The following TRMT1 variants were observed in gnomAD, a reference collection of about 807,000 sequenced individuals.
TRMT1 encodes the protein tRNA methyltransferase 1, also known as tRNA (guanine(26)-N(2))-dimethyltransferase.
A neutral mutation model predicts 75.4 loss-of-function variants in TRMT1; 63 were observed. The ratio of observed to expected loss-of-function variants is 0.84; its 90% confidence interval spans 0.68 to 1.03. TRMT1 has a LOEUF of 1.03. TRMT1 is among the 50% of genes least tolerant of loss of function. The pLI is 0.00. For missense variants in TRMT1, 870 were observed against 905.3 expected, an observed-to-expected ratio of 0.96 and a Z score of 0.50; for synonymous variants, 382 against 358.1, an observed-to-expected ratio of 1.07 and a Z score of -0.75.
rs371266625 is a variant in TRMT1 at position 13,116,169 on chromosome 19, C to A, written c.231G>T (p.Val77=). 1.2e-6 allele frequency: 2 copies of A among 1,614,032 alleles called. No homozygotes were observed. Among genetic ancestry groups the A allele is most frequent in the Non-Finnish European group, 1.7e-6 (2 of 1,180,040 alleles). ...ACGTCAGGTCCCGATTGAATTCCTG[C>A]ACCGGGTTATAAAAGACCTCGTTGG... ...PSANEVFYNP[V]QEFNRDLTCA... is the part of the protein sequence containing the mutation. The change falls in exon 2 of 17, where the codon GTG becomes GTT. Residue 77 remains valine (V), a synonymous_variant. Transcript: ENST00000357720.
rs776654654 is a variant in TRMT1, at chr19:13,105,541, C to T, written c.1649G>A (p.Arg550His). The T allele has an allele frequency of 6.2e-6, 10 of 1,614,018 alleles. No homozygotes were observed. The highest frequency in any genetic ancestry group is 1.1e-5 in the South Asian group (1 of 91,072). Residue 550 changes from arginine (R) to histidine (H), a missense_variant, in exon 15 of 17, where the codon CGC becomes CAC. Transcript: ENST00000357720. ...GTTGGCCTCCGGGTTAGCCTGGAAG[C>T]GCTTGAGTCCTCGCTGTCGGGAGCT... is the stretch of plus-strand genomic sequence containing the variant. Reference protein sequence around the residue: ...NPSSRQRGLKRFQANPEANWG... With the variant: ...NPSSRQRGLKHFQANPEANWG...
At chr19:13,114,648 C>T (rs866023616) in intron 5 of TRMT1, among the ~76,000 whole-genome samples, 67 of 149,608 alleles carry the variant, frequency 4.5e-4, no homozygotes, top group African/African-American at 1.6e-3. Flanking sequence ...GGCAACAGAG[C>T]GAGACTCCGT....
At position 13,109,897 on chromosome 19, in the gene TRMT1, TCC is replaced by T. The variant is rs1175713876; in HGVS notation, c.1106+16_1106+17del. The T allele has an allele frequency of 6.2e-7, 1 of 1,614,016 alleles. No individual in the cohort carries two copies. ...GAAAACCCTGGGACTCCCCTTCTTC[TCC>T]TTCCTCCCTGCTCACCGGCCGCTGG... On this transcript the variant is annotated intron_variant, in intron 9 of 16. Coordinates refer to ENST00000357720, the MANE Select transcript of TRMT1 (RefSeq NM_001136035.4).
At chr19:13,109,293 C>G in intron 12 of TRMT1, 88 bp downstream of exon 12, 1 of 1,480,916 alleles carries the variant, frequency 6.8e-7, no homozygotes, top group South Asian at 1.2e-5. Context: ...CCCACCCCCT[C>G]GCAAGTTCTA....
chr19:13,109,505 C>G, intron 11 of TRMT1, 39 bp from the exon 12 acceptor site: 1 of 1,613,974 alleles, frequency 6.2e-7, no homozygotes, highest in South Asian at 1.1e-5. Context: ...TGGAGATGGA[C>G]GGGCACAGGT....
In TRMT1 at chr19:13,116,372, G is replaced by A. The variant is rs769070519; in HGVS notation, c.28C>T (p.Leu10Phe). MQGSSLWLS[L>F]TFRSARVLSR... ...AGCACCCGGGCGGAGCGGAAAGTGA[G>A]GCTTAGCCACAGAGACGATCCTTGC... Residue 10 changes from leucine (L) to phenylalanine (F), a missense_variant, in exon 2 of 17, where the codon CTC becomes TTC. Leu to Phe is a conservative substitution (Grantham distance 22). Coordinates refer to ENST00000357720, the MANE Select transcript of TRMT1 (RefSeq NM_001136035.4). 2.0e-5 allele frequency: 32 copies of A among 1,609,872 alleles called. No individual in the cohort carries two copies. In the South Asian group the frequency reaches 2.3e-4, roughly 12 times the overall value.
intron 5 of TRMT1, among the ~76,000 whole-genome samples, chr19:13,114,373 T>C (rs2019252311): frequency 6.6e-6 from 1 of 152,084 alleles, no homozygotes; most frequent in Admixed American, 6.6e-5. Context: ...AATATAAAAA[T>C]TAGCCTGGCA....
intron 14 of TRMT1, among the ~76,000 whole-genome samples, chr19:13,106,090 T>C (rs1241008239): frequency 6.6e-6 from 1 of 151,470 alleles, no homozygotes; most frequent in East Asian, 2.0e-4. Flanking sequence ...ATACAGGGTC[T>C]CACTCTGCTG....
chr19:13,112,137 C>T (rs1297484128), intron 7 of TRMT1, among the ~76,000 whole-genome samples: 2 of 152,050 alleles, frequency 1.3e-5, no homozygotes, highest in African/African-American at 2.4e-5. Flanking sequence ...TTACAGGTAT[C>T]TGCCACCATG....
In TRMT1 at chr19:13,105,251, G is replaced by A. The variant is rs764162192; in HGVS notation, c.1833+16C>T. On this transcript the variant is annotated intron_variant, in intron 16 of 16. Transcript: ENST00000357720. ...TCATGTGTCCTGCAGTGGAGGAAAG[G>A]GAGGAGGGACCTCACCTCCTTAAAC... is the stretch of plus-strand genomic sequence containing the variant. The A allele has an allele frequency of 6.2e-7, 1 of 1,608,886 alleles. No individual in the cohort carries two copies. Among genetic ancestry groups the A allele is most frequent in the Non-Finnish European group, 8.5e-7 (1 of 1,176,968 alleles).
chr19:13,114,803 T>C (rs2019274086), intron 5 of TRMT1, among the ~76,000 whole-genome samples: 1 of 152,210 alleles, frequency 6.6e-6, no homozygotes, highest in Non-Finnish European at 1.5e-5. Context: ...ATCGTGCCAC[T>C]GCACTCCAGC....
chr19:13,106,394 G>A (rs188119497), intron 14 of TRMT1, among the ~76,000 whole-genome samples: 10 of 152,180 alleles, frequency 6.6e-5, no homozygotes, highest in African/African-American at 2.2e-4. Context: ...TTTATTTAAC[G>A]ACTGTGTGCC....
chr19:13,111,054 T>A (rs2019119169), intron 7 of TRMT1, among the ~76,000 whole-genome samples: 1 of 152,192 alleles, frequency 6.6e-6, no homozygotes, highest in Admixed American at 6.5e-5. Context: ...GACAGGACCC[T>A]TTAGGAACAA....
chr19:13,105,250 G>A lies in TRMT1; in HGVS notation c.1833+17C>T. 4 of 1,608,596 alleles carry A rather than the reference G, an allele frequency of 2.5e-6. No homozygotes were observed. Among genetic ancestry groups the A allele is most frequent in the Non-Finnish European group, 3.4e-6 (4 of 1,176,780 alleles). On this transcript the variant is annotated intron_variant, in intron 16 of 16. Coordinates refer to ENST00000357720, the MANE Select transcript of TRMT1 (RefSeq NM_001136035.4). ...CTCATGTGTCCTGCAGTGGAGGAAA[G>A]GGAGGAGGGACCTCACCTCCTTAAA...
Position 13,115,722 on chromosome 19 carries a change from C to G in TRMT1, c.357G>C (p.Leu119Phe). 6.2e-7 allele frequency: 1 copy of G among 1,614,126 alleles called. No individual in the cohort carries two copies. The highest frequency in any genetic ancestry group is 8.5e-7 in the Non-Finnish European group (1 of 1,180,026). ...EKDTQKVVVD[L>F]SEQEEEKVEL... ...CAACCTTTTCCTCCTCTTGCTCTGA[C>G]AAGTCCACGACCACTTTTTGCGTGT... The change falls in exon 4 of 17, where the codon TTG becomes TTC. Residue 119 changes from leucine (L) to phenylalanine (F), a missense_variant. Physicochemically the swap from Leu to Phe is conservative, Grantham distance 22. Transcript: ENST00000357720.
At chr19:13,109,314 T>G (rs1005877104) in intron 12 of TRMT1, 67 bp downstream of exon 12, 2 of 1,573,052 alleles carry the variant, frequency 1.3e-6, no homozygotes, top group African/African-American at 2.7e-5. Context: ...TGCATGAGAA[T>G]CCCTGGACTT....
Position 13,109,766 on chromosome 19 carries a change from T to C in TRMT1, c.1176+3A>G. ...TCCTTTGCCTCCCCTGGCCTAGCCCTACCTGGTGTCGTTGCCCACAGTGTT... is the reference window on the plus strand; with the variant it reads ...TCCTTTGCCTCCCCTGGCCTAGCCCCACCTGGTGTCGTTGCCCACAGTGTT... On this transcript the variant is annotated splice_donor_region_variant and intron_variant, in intron 10 of 16. Transcript: ENST00000357720. The C allele has an allele frequency of 6.2e-7, 1 of 1,614,102 alleles. No homozygotes were observed.
At chr19:13,107,487 G>T in intron 14 of TRMT1, 87 bp downstream of exon 14, 1 of 1,444,728 alleles carries the variant, frequency 6.9e-7, no homozygotes, top group Non-Finnish European at 9.5e-7. Context: ...ACGAGTCTGT[G>T]TGGGGCAGCA....
Position 13,116,354 on chromosome 19 carries a change from G to A in TRMT1, c.46C>T (p.Arg16Trp), listed in dbSNP as rs2019360261. The A allele has an allele frequency of 5.0e-6, 8 of 1,612,622 alleles. No individual in the cohort carries two copies. The highest frequency in any genetic ancestry group is 6.8e-6 in the Non-Finnish European group (8 of 1,179,546). Residue 16 changes from arginine (R) to tryptophan (W), a missense_variant, in exon 2 of 17, where the codon CGG (arginine) becomes TGG (tryptophan). Coordinates refer to ENST00000357720, the MANE Select transcript of TRMT1 (RefSeq NM_001136035.4). ...AAAAACCGGGCTCTAGAGAGCACCCGGGCGGAGCGGAAAGTGAGGCTTAGC... is the reference window on the plus strand; with the variant it reads ...AAAAACCGGGCTCTAGAGAGCACCCAGGCGGAGCGGAAAGTGAGGCTTAGC... ...LWLSLTFRSA[R>W]VLSRARFFEW...
Sources: allele counts gnomAD v4.1 joint callset (sites outside exome capture counted in the v4.1 genomes callset), GRCh38; gene constraint gnomAD v4.1.1; transcripts MANE v1.5; gene names NCBI Gene and HGNC (gene_info 2026-07-23, HGNC 2026-07-21).